The following KCNU1 variants were observed in gnomAD, a reference collection of about 807,000 sequenced individuals.
The protein encoded by KCNU1 is potassium channel subfamily U member 1.
A neutral mutation model predicts 126.8 loss-of-function variants in KCNU1; 93 were observed. The ratio of observed to expected loss-of-function variants is 0.73; its 90% confidence interval spans 0.62 to 0.87. The LOEUF (loss-of-function observed/expected upper bound fraction) is 0.87. Ranked by LOEUF, KCNU1 falls within the 40% of genes least tolerant of loss-of-function variation. The pLI, the probability that KCNU1 is intolerant of heterozygous loss-of-function variation, is 0.00. For synonymous variants in KCNU1, 523 were observed against 494.2 expected (o/e 1.06, Z -0.77); for missense variants, 1,330 against 1,367.1 (o/e 0.97, Z 0.43).
At chr8:36,825,447 A>G (rs941127227) in intron 10 of KCNU1, among the ~76,000 whole-genome samples, 15 of 152,172 alleles carry the variant, frequency 9.9e-5, no homozygotes, top group Non-Finnish European at 1.9e-4. Flanking sequence ...GACAAATTTC[A>G]TTAAATTTAC....
At position 36,935,535 on chromosome 8, in the gene KCNU1, C is replaced by T. The variant is rs1808825226; in HGVS notation, c.3065C>T (p.Ala1022Val). The change falls in exon 27 of 27, where the codon GCC (alanine) becomes GTC (valine). Residue 1022 changes from alanine (A) to valine (V), a missense_variant. This residue lies in a region of KCNU1 where 1,054 missense variants were observed against 1,053.9 expected (regional missense o/e 1.00). Coordinates refer to ENST00000399881, the MANE Select transcript of KCNU1 (RefSeq NM_001031836.3). ...ENKRFVITRP[A>V]NEFKLLPSDL... ...TACAGGTTTGTGATCACCCGGCCAG[C>T]CAATGAGTTCAAGCTGCTGCCTTCA... 1.2e-6 allele frequency: 2 copies of T among 1,602,134 alleles called. No homozygotes were observed. The highest frequency in any genetic ancestry group is 2.7e-5 in the African/African-American group (2 of 74,724).
chr8:36,839,105 T>G (rs539252849), intron 14 of KCNU1, among the ~76,000 whole-genome samples: 1 of 152,350 alleles, frequency 6.6e-6, no homozygotes, highest in African/African-American at 2.4e-5. Context: ...GTAAAACTTC[T>G]GAGAACTCAG....
chr8:36,811,756 A>T (rs1185522202), intron 7 of KCNU1, among the ~76,000 whole-genome samples: 1 of 151,956 alleles, frequency 6.6e-6, no homozygotes, highest in Non-Finnish European at 1.5e-5. Context: ...ACATGGCGAA[A>T]CCTCATCTCT....
intron 9 of KCNU1, among the ~76,000 whole-genome samples, chr8:36,816,294 T>G (rs1454870818): frequency 3.3e-5 from 5 of 152,154 alleles, no homozygotes; most frequent in Admixed American, 2.6e-4. Context: ...TATTATTTCT[T>G]CTTGGATTCA....
chr8:36,873,633 C>G (rs906761425), intron 19 of KCNU1, among the ~76,000 whole-genome samples: 1 of 152,140 alleles, frequency 6.6e-6, no homozygotes, highest in African/African-American at 2.4e-5. Context: ...CCTTTTCTCT[C>G]CCTGCTCTCT....
chr8:36,806,753 T>A (rs1803518186), intron 5 of KCNU1, among the ~76,000 whole-genome samples: 1 of 152,234 alleles, frequency 6.6e-6, no homozygotes, highest in African/African-American at 2.4e-5. Flanking sequence ...TGCTATGGCA[T>A]TTTAGATAAT....
chr8:36,860,796 AG>A (rs1243416288), intron 18 of KCNU1, among the ~76,000 whole-genome samples: 1 of 152,204 alleles, frequency 6.6e-6, no homozygotes, highest in African/African-American at 2.4e-5. Context: ...AATTGGAAAG[AG>A]GGTGCAAAAA....
Position 36,845,584 on chromosome 8 carries a change from C to G in KCNU1, c.1708C>G (p.Leu570Val). The G allele has an allele frequency of 1.3e-6, 2 of 1,596,612 alleles. No individual in the cohort carries two copies. Among genetic ancestry groups the G allele is most frequent in the Non-Finnish European group, 1.7e-6 (2 of 1,165,226 alleles). Reference sequence around the variant, plus strand: ...GTGTTTATTTTTTGTTTCCAGTGGTCTGATACTAAATCCACCTCCACAAGT... The same window carrying G: ...GTGTTTATTTTTTGTTTCCAGTGGTGTGATACTAAATCCACCTCCACAAGT... ...KSLFTDGFCG[L>V]ILNPPPQVRI... The change falls in exon 17 of 27, where the codon CTG becomes GTG. Residue 570 changes from leucine to valine, a missense_variant. Coordinates refer to ENST00000399881, the MANE Select transcript of KCNU1 (RefSeq NM_001031836.3).
chr8:36,854,758 T>A (rs1805473687), intron 18 of KCNU1, among the ~76,000 whole-genome samples: 1 of 152,202 alleles, frequency 6.6e-6, no homozygotes. Context: ...AGAGCCTTTT[T>A]CCTATGTATT....
intron 19 of KCNU1, among the ~76,000 whole-genome samples, chr8:36,900,275 G>A (rs76102203): frequency 0.023 from 3,476 of 152,184 alleles, 57 homozygotes; most frequent in Non-Finnish European, 0.035. Context: ...GTTTCTTGGC[G>A]CTCACAGGAT....
At chr8:36,932,196 C>A (rs539973612) in intron 25 of KCNU1, among the ~76,000 whole-genome samples, 1 of 152,238 alleles carries the variant, frequency 6.6e-6, no homozygotes, top group East Asian at 1.9e-4. Context: ...TAGTCTGGTC[C>A]TTTGCATTTC....
At chr8:36,892,941 A>G (rs979187076) in intron 19 of KCNU1, among the ~76,000 whole-genome samples, 5 of 151,826 alleles carry the variant, frequency 3.3e-5, no homozygotes, top group African/African-American at 1.2e-4. Flanking sequence ...ACCTTTTAAT[A>G]CCCTCTATAG....
At position 36,930,980 on chromosome 8, in the gene KCNU1, G is replaced by A. The variant is rs1254902431; in HGVS notation, c.2766G>A (p.Leu922=). The A allele has an allele frequency of 2.5e-6, 4 of 1,607,928 alleles. No individual in the cohort carries two copies. Among genetic ancestry groups the A allele is most frequent in the Middle Eastern group, 1.7e-4 (1 of 6,036 alleles). ...TAFYNYHVLE[L]LQMLVTGGVS... is the part of the protein sequence containing the mutation. ...TCTACAATTATCATGTCCTGGAATT[G>A]CTTCAGATGCTGGTGACAGGAGGAG... is the stretch of plus-strand genomic sequence containing the variant. The change falls in exon 25 of 27, where the codon TTG becomes TTA. Residue 922 remains leucine, a synonymous_variant. Transcript: ENST00000399881.
At chr8:36,897,208 T>C (rs1237287339) in intron 19 of KCNU1, among the ~76,000 whole-genome samples, 5 of 151,986 alleles carry the variant, frequency 3.3e-5, no homozygotes, top group African/African-American at 1.2e-4. Context: ...GATTTTCAAA[T>C]TGTAGAACAA....
intron 10 of KCNU1, among the ~76,000 whole-genome samples, chr8:36,824,836 G>T (rs1804257115): frequency 1.3e-5 from 2 of 151,794 alleles, no homozygotes; most frequent in Admixed American, 6.6e-5. Flanking sequence ...TATTGTTATT[G>T]CTGTGTAGAC....
chr8:36,891,982 A>T (rs1042840185), intron 19 of KCNU1, among the ~76,000 whole-genome samples: 5 of 152,112 alleles, frequency 3.3e-5, no homozygotes, highest in Non-Finnish European at 5.9e-5. Context: ...TTAGCTGCTT[A>T]GATATGTAAG....
In KCNU1 at chr8:36,845,889, G is replaced by A. The variant is rs1334886171; in HGVS notation, c.1881G>A (p.Gln627=). Residue 627 remains glutamine (Q), a synonymous_variant, in exon 18 of 27, where the codon CAG becomes CAA. Coordinates refer to ENST00000399881, the MANE Select transcript of KCNU1 (RefSeq NM_001031836.3). ...GTGGCTGCAAAAGCAGAAGCCGGCA[G>A]CACATCACAGGTAATTGCACTTTAT... ...TNCGCKSRSR[Q]HITVPSVKRM... 2.5e-6 allele frequency: 4 copies of A among 1,588,412 alleles called. No individual in the cohort carries two copies. The highest frequency in any genetic ancestry group is 3.4e-6 in the Non-Finnish European group (4 of 1,163,282).
chr8:36,791,298 T>C (rs1802892444), intron 2 of KCNU1, among the ~76,000 whole-genome samples: 1 of 152,178 alleles, frequency 6.6e-6, no homozygotes, highest in African/African-American at 2.4e-5. Context: ...TATTTCTTTT[T>C]GAGATTTTGT....
chr8:36,818,401 G>T (rs955810633), intron 10 of KCNU1, among the ~76,000 whole-genome samples: 2 of 151,814 alleles, frequency 1.3e-5, no homozygotes, highest in African/African-American at 4.8e-5. Context: ...ATTACCTGTT[G>T]CTTTATTGAC....
Sources: allele counts gnomAD v4.1 joint callset (sites outside exome capture counted in the v4.1 genomes callset), GRCh38; gene constraint gnomAD v4.1.1; regional missense constraint gnomAD v4.1.1; transcripts MANE v1.5; gene names NCBI Gene and HGNC (gene_info 2026-07-23, HGNC 2026-07-21).